FBN2: variants seen among roughly 807,000 people sequenced by gnomAD.
FBN2 encodes the protein fibrillin-2.
FBN2 carries 105 observed loss-of-function variants against 355.6 expected under a neutral mutation model. The ratio of observed to expected loss-of-function variants is 0.30; its 90% CI spans 0.25 to 0.35. FBN2 has a LOEUF of 0.35. Among genes scored for constraint, FBN2 ranks in the 10% least tolerant of loss-of-function variants. The pLI, the probability that FBN2 is intolerant of heterozygous loss-of-function variation, is 1.00. For missense variants in FBN2, 3,280 were observed against 3,758.7 expected, an observed-to-expected ratio of 0.87 and a Z score of 3.33; for synonymous variants, 1,350 against 1,301.2, an observed-to-expected ratio of 1.04 and a Z score of -0.81.
chr5:128,537,800 G>C lies in FBN2; in HGVS notation c.-197C>G, dbSNP rs1756901460. 1.6e-6 allele frequency: 1 copy of C among 622,812 alleles called. No individual in the cohort carries two copies. Among genetic ancestry groups the C allele is most frequent in the African/African-American group, 1.8e-5 (1 of 54,240 alleles). The allele number at this position is 622,812 out of a possible 1,614,324, so 38.6% of individuals were successfully genotyped here. A position where few individuals can be genotyped will look rare whatever the true frequency, so the allele number is the denominator to read the frequency against. ...CCTGACTGCCCGCGAAGCGAGACGC[G>C]GGGCGCCGGGTCTAGCGCAGTGAGC... On this transcript the variant is annotated 5_prime_UTR_variant, in exon 1 of 65. Coordinates refer to ENST00000262464, the MANE Select transcript of FBN2 (RefSeq NM_001999.4).
At chr5:128,482,410 A>T (rs1161077082) in intron 5 of FBN2, among the ~76,000 whole-genome samples, 1 of 151,842 alleles carries the variant, frequency 6.6e-6, no homozygotes, top group Non-Finnish European at 1.5e-5. Context: ...GTTTCTCCAG[A>T]CTGCCTGAAG....
At chr5:128,482,328 G>GC in intron 5 of FBN2, among the ~76,000 whole-genome samples, 1 of 152,018 alleles carries the variant, frequency 6.6e-6, no homozygotes, top group East Asian at 1.9e-4. Flanking sequence ...GCAGTAAAGG[G>GC]CCAAGCAGGG....
At chr5:128,329,358 C>T (rs1750633280) in intron 33 of FBN2, among the ~76,000 whole-genome samples, 1 of 151,988 alleles carries the variant, frequency 6.6e-6, no homozygotes, top group Non-Finnish European at 1.5e-5. Flanking sequence ...TACTCACAGA[C>T]CTTAAAGATA....
At chr5:128,355,046 G>A (rs1222544891) in intron 20 of FBN2, among the ~76,000 whole-genome samples, 1 of 152,186 alleles carries the variant, frequency 6.6e-6, no homozygotes, top group Non-Finnish European at 1.5e-5. Context: ...TAAAGGTTAG[G>A]AGGATAGGGA....
intron 6 of FBN2, among the ~76,000 whole-genome samples, chr5:128,447,291 T>C (rs1243464609): frequency 6.6e-6 from 1 of 152,194 alleles, no homozygotes; most frequent in Non-Finnish European, 1.5e-5. Flanking sequence ...ATTTCTCTTC[T>C]TTCAAAAGCA....
At chr5:128,281,994 A>G (rs7709453) in intron 55 of FBN2, among the ~76,000 whole-genome samples, 6,589 of 152,148 alleles carry the variant, frequency 0.043, 456 homozygotes, top group African/African-American at 0.15. Flanking sequence ...CCGGCAGGTA[A>G]TTATTTAAGA....
At chr5:128,339,378 G>A (rs1750936939) in intron 25 of FBN2, among the ~76,000 whole-genome samples, 1 of 152,100 alleles carries the variant, frequency 6.6e-6, no homozygotes, top group Non-Finnish European at 1.5e-5. Context: ...AGCACTTGGG[G>A]AAGCCCAGGC....
chr5:128,286,601 G>A (rs1034100883), intron 55 of FBN2, 117 bp downstream of exon 55: 1 of 1,227,636 alleles, frequency 8.1e-7, no homozygotes, highest in Non-Finnish European at 1.2e-6. Context: ...CTGTATCACT[G>A]CCTTAACACA....
intron 4 of FBN2, among the ~76,000 whole-genome samples, chr5:128,520,606 T>TA (rs1001365988): frequency 2.6e-5 from 4 of 152,110 alleles, no homozygotes; most frequent in Non-Finnish European, 5.9e-5. Context: ...TTGAACCGGA[T>TA]AGATTGCCTA....
intron 5 of FBN2, 46 bp from the exon 6 acceptor site, chr5:128,464,967 C>G (rs759174312): frequency 1.9e-5 from 29 of 1,564,434 alleles, no homozygotes; most frequent in Non-Finnish European, 2.6e-5. Context: ...TGATCATATA[C>G]TAATCTTATA....
intron 23 of FBN2, 130 bp downstream of exon 23, chr5:128,349,217 C>T: frequency 9.7e-7 from 1 of 1,026,052 alleles, no homozygotes; most frequent in Non-Finnish European, 1.5e-6. Flanking sequence ...CTAGTGATTT[C>T]CCCCTAAATA....
chr5:128,423,381 A>C (rs1279427463), intron 7 of FBN2, among the ~76,000 whole-genome samples: 3 of 152,160 alleles, frequency 2.0e-5, no homozygotes, highest in Non-Finnish European at 4.4e-5. Context: ...AGGAGGAGCA[A>C]AGTCACATCT....
rs1749269255 is a variant in FBN2, at chr5:128,289,781, C to T, written c.6511+101G>A. On this transcript the variant is annotated intron_variant, in intron 51 of 64. Coordinates refer to ENST00000262464, the MANE Select transcript of FBN2 (RefSeq NM_001999.4). ...ATATACATCCATTAAATACAATATA[C>T]TATATGTTACATAGTAAAGTTAGCA... The T allele has an allele frequency of 4.2e-6, 3 of 720,704 alleles. No individual in the cohort carries two copies. In the East Asian group the frequency reaches 8.1e-5, roughly 19 times the overall value. 44.6% of individuals were successfully genotyped at this position (720,704 alleles called of 1,614,324 possible). A position where few individuals can be genotyped will look rare whatever the true frequency, so the allele number is the denominator to read the frequency against.
chr5:128,433,819 T>A (rs1032588601), intron 7 of FBN2, among the ~76,000 whole-genome samples: 10 of 152,160 alleles, frequency 6.6e-5, no homozygotes, highest in Non-Finnish European at 1.3e-4. Flanking sequence ...GATAGTTTTA[T>A]AATTAAACTA....
At chr5:128,351,731 T>C (rs1334916862) in intron 20 of FBN2, among the ~76,000 whole-genome samples, 3 of 152,130 alleles carry the variant, frequency 2.0e-5, no homozygotes, top group Non-Finnish European at 4.4e-5. Flanking sequence ...CAAGATTTTA[T>C]GCTGGTACTC....
intron 61 of FBN2, among the ~76,000 whole-genome samples, chr5:128,272,829 TG>T (rs1765301113): frequency 6.6e-6 from 1 of 152,132 alleles, no homozygotes; most frequent in African/African-American, 2.4e-5. Context: ...AATTAATAAA[TG>T]GTATCTTATG....
At chr5:128,438,279 C>G (rs995713420) in intron 7 of FBN2, among the ~76,000 whole-genome samples, 2 of 152,212 alleles carry the variant, frequency 1.3e-5, no homozygotes, top group Non-Finnish European at 2.9e-5. Context: ...ATGTGTGTGC[C>G]GCCGTGCCCG....
intron 14 of FBN2, 146 bp from the exon 15 acceptor site, chr5:128,374,896 T>C: frequency 3.7e-6 from 3 of 816,924 alleles, no homozygotes; most frequent in Non-Finnish European, 5.9e-6. Context: ...GTAACAGGTA[T>C]CATATACAAA....
chr5:128,451,553 A>C (rs1754247885), intron 6 of FBN2, among the ~76,000 whole-genome samples: 1 of 152,002 alleles, frequency 6.6e-6, no homozygotes, highest in African/African-American at 2.4e-5. Flanking sequence ...GGCATGAGAC[A>C]CCTCATCCGG....
Sources: gnomAD v4.1 joint callset for allele counts (sites outside exome capture counted in the v4.1 genomes callset) on GRCh38, gnomAD v4.1.1 for gene constraint, MANE v1.5 for transcripts, NCBI Gene and HGNC (gene_info 2026-07-23, HGNC 2026-07-21) for gene names.